The following AMPH variants were observed in gnomAD, a reference collection of about 807,000 sequenced individuals.
The protein encoded by AMPH is amphiphysin, also known as amphiphysin (Stiff-Mann syndrome with breast cancer 128kD autoantigen).
Under a neutral mutation model 99.1 loss-of-function variants are expected in AMPH, and 49 were observed. The observed-to-expected ratio is 0.49, with a 90% CI of 0.39 to 0.63. The LOEUF is 0.63. AMPH is among the 20% of genes least tolerant of loss of function. The probability of loss-of-function intolerance (pLI) is 0.00; values close to 1 mark genes in which losing one functional copy is unlikely to be tolerated. For synonymous variants in AMPH, 314 were observed against 317.3 expected, an observed-to-expected ratio of 0.99 and a Z score of 0.11; for missense variants, 759 against 863.4, an observed-to-expected ratio of 0.88 and a Z score of 1.52.
intron 15 of AMPH, among the ~76,000 whole-genome samples, chr7:38,423,902 G>C (rs1418209823): frequency 2.6e-5 from 4 of 152,106 alleles, no homozygotes; most frequent in African/African-American, 9.7e-5. Flanking sequence ...ATTATATAGA[G>C]GCTGAAACAG....
intron 2 of AMPH, among the ~76,000 whole-genome samples, chr7:38,504,746 C>G (rs1044904653): frequency 6.6e-6 from 1 of 152,188 alleles, no homozygotes; most frequent in African/African-American, 2.4e-5. Context: ...CAGAGAAGCC[C>G]TCAGGCAAAG....
At chr7:38,518,322 G>A (rs1789828315) in intron 2 of AMPH, among the ~76,000 whole-genome samples, 1 of 152,198 alleles carries the variant, frequency 6.6e-6, no homozygotes, top group South Asian at 2.1e-4. Context: ...GTATAGTGGA[G>A]CCCTGGGGTC....
intron 7 of AMPH, among the ~76,000 whole-genome samples, chr7:38,467,601 A>T (rs1347796656): frequency 6.6e-6 from 1 of 151,834 alleles, no homozygotes. Flanking sequence ...TTAGAGAAGC[A>T]TCCAGAGGGG....
At chr7:38,588,783 A>G (rs976576536) in intron 1 of AMPH, among the ~76,000 whole-genome samples, 6 of 152,152 alleles carry the variant, frequency 3.9e-5, no homozygotes, top group East Asian at 1.9e-4. Context: ...TCTAAATGTT[A>G]TTATTACTTC....
intron 3 of AMPH, among the ~76,000 whole-genome samples, chr7:38,501,539 T>G (rs12673437): frequency 0.094 from 14,268 of 152,284 alleles, 913 homozygotes; most frequent in Middle Eastern, 0.19. Flanking sequence ...ACCTGCCTTA[T>G]AGAGCTGCCA....
At chr7:38,578,826 A>T (rs927729118) in intron 1 of AMPH, among the ~76,000 whole-genome samples, 3 of 152,112 alleles carry the variant, frequency 2.0e-5, no homozygotes, top group African/African-American at 7.3e-5. Flanking sequence ...ATGTCAATAT[A>T]ATAACATCTT....
intron 7 of AMPH, among the ~76,000 whole-genome samples, chr7:38,469,329 C>T (rs760765255): frequency 1.8e-4 from 27 of 152,120 alleles, no homozygotes; most frequent in Non-Finnish European, 3.7e-4. Context: ...TATTAGCTGT[C>T]AAAACCAACT....
At position 38,620,546 on chromosome 7, in the gene AMPH, C is replaced by T. The variant is rs1052273614; in HGVS notation, c.69+10737G>A. On this transcript the variant is annotated intron_variant, in intron 1 of 20. Coordinates refer to ENST00000356264, the MANE Select transcript of AMPH (RefSeq NM_001635.4). ...TGCATCTATGCTATATATATACATA[C>T]ATACACACACACACACACACACACA... Among the ~76,000 whole-genome samples the T allele has an allele frequency of 5.9e-4, 55 of 93,548 alleles. 1 individual carries two copies. Among genetic ancestry groups the T allele is most frequent in the African/African-American group, 2.6e-3 (48 of 18,572 alleles). 61.4% of individuals were successfully genotyped at this position (93,548 alleles called of 152,430 possible). A position where few individuals can be genotyped will look rare whatever the true frequency, so the allele number is the denominator to read the frequency against.
intron 11 of AMPH, among the ~76,000 whole-genome samples, chr7:38,443,275 T>C (rs1277266211): frequency 6.6e-6 from 1 of 152,074 alleles, no homozygotes; most frequent in Non-Finnish European, 1.5e-5. Context: ...AGTTCTCCGA[T>C]GAATTCTATC....
At chr7:38,562,752 G>A (rs1208192398) in intron 1 of AMPH, among the ~76,000 whole-genome samples, 1 of 152,174 alleles carries the variant, frequency 6.6e-6, no homozygotes, top group East Asian at 1.9e-4. Flanking sequence ...TTTTATTTGT[G>A]ATGTGCCATT....
At chr7:38,407,266 T>A (rs77658093) in intron 17 of AMPH, among the ~76,000 whole-genome samples, 1 of 147,362 alleles carries the variant, frequency 6.8e-6, no homozygotes, top group Non-Finnish European at 1.5e-5. Context: ...TATCTATCTA[T>A]CTAGCTAGCT....
At chr7:38,399,638 C>T (rs187393286) in intron 17 of AMPH, among the ~76,000 whole-genome samples, 27 of 152,322 alleles carry the variant, frequency 1.8e-4, no homozygotes, top group Non-Finnish European at 3.5e-4. Flanking sequence ...CTGCTTGCTA[C>T]AGTACATGTT....
In AMPH at chr7:38,491,157, A is replaced by G; in HGVS notation, c.301-12T>C. On this transcript the variant is annotated splice_polypyrimidine_tract_variant and intron_variant, in intron 4 of 20. Transcript: ENST00000356264. ...AGCACATCACATTTCTAAAAGAAATAAAGAGACCACTGCTGAATTATTTTA... is the reference window on the plus strand; with the variant it reads ...AGCACATCACATTTCTAAAAGAAATGAAGAGACCACTGCTGAATTATTTTA... 1 of 1,575,902 alleles carries G rather than the reference A, an allele frequency of 6.3e-7. No individual in the cohort carries two copies. The highest frequency in any genetic ancestry group is 8.7e-7 in the Non-Finnish European group (1 of 1,146,734).
intron 5 of AMPH, among the ~76,000 whole-genome samples, chr7:38,478,758 A>G (rs1788178599): frequency 6.6e-6 from 1 of 152,202 alleles, no homozygotes; most frequent in Admixed American, 6.5e-5. Context: ...GAAGAGATAT[A>G]GAAACGTTAA....
At chr7:38,417,972 G>A (rs201987021) in intron 16 of AMPH, 22 bp from the exon 17 acceptor site, 1 of 1,606,766 alleles carries the variant, frequency 6.2e-7, no homozygotes, top group Non-Finnish European at 8.5e-7. Context: ...TGTTTTGAGG[G>A]TTAGAGGAAA....
chr7:38,476,813 C>G, intron 6 of AMPH, 49 bp downstream of exon 6: 1 of 1,384,686 alleles, frequency 7.2e-7, no homozygotes, highest in Non-Finnish European at 1.0e-6. Flanking sequence ...AAAGCTGCAA[C>G]AGGTCATAAA....
At chr7:38,528,910 C>G (rs908382081) in intron 2 of AMPH, among the ~76,000 whole-genome samples, 2 of 152,080 alleles carry the variant, frequency 1.3e-5, no homozygotes, top group African/African-American at 4.8e-5. Flanking sequence ...AAGACACTTT[C>G]ATTTCCAAGG....
intron 5 of AMPH, among the ~76,000 whole-genome samples, chr7:38,486,679 C>A (rs916566539): frequency 6.6e-6 from 1 of 151,996 alleles, no homozygotes; most frequent in African/African-American, 2.4e-5. Flanking sequence ...AAAACCGCTA[C>A]AAAATACCAG....
chr7:38,589,525 C>T (rs188635241), intron 1 of AMPH, among the ~76,000 whole-genome samples: 195 of 152,280 alleles, frequency 1.3e-3, no homozygotes, highest in African/African-American at 3.0e-3. Flanking sequence ...CAACCTACCC[C>T]GAGCATCAAA....
Sources: allele counts gnomAD v4.1 joint callset (sites outside exome capture counted in the v4.1 genomes callset), GRCh38; gene constraint gnomAD v4.1.1; transcripts MANE v1.5; gene names NCBI Gene and HGNC (gene_info 2026-07-23, HGNC 2026-07-21).